VRK2: variants seen among roughly 807,000 people sequenced by gnomAD.
VRK2 encodes the protein VRK serine/threonine kinase 2.
A neutral mutation model predicts 57.6 loss-of-function variants in VRK2; 60 were observed. The observed-to-expected ratio is 1.04, with a 90% CI of 0.85 to 1.29. The LOEUF (loss-of-function observed/expected upper bound fraction) is 1.29, where lower values mean the gene tolerates loss of function less well. Ranked by LOEUF, VRK2 falls within the 50% of genes most tolerant of loss-of-function variation. The pLI, the probability that VRK2 is intolerant of heterozygous loss-of-function variation, is 0.00. For missense variants in VRK2, 705 were observed against 588.1 expected, an observed-to-expected ratio of 1.20 and a Z score of -2.06; for synonymous variants, 231 against 199.2, an observed-to-expected ratio of 1.16 and a Z score of -1.35.
At chr2:58,060,271 A>G (rs889273981) in intron 2 of VRK2, among the ~76,000 whole-genome samples, 2 of 151,912 alleles carry the variant, frequency 1.3e-5, no homozygotes, top group African/African-American at 2.4e-5. Context: ...CAGAATGTCT[A>G]CTCTAGCAGA....
intron 1 of VRK2, among the ~76,000 whole-genome samples, chr2:57,988,001 G>A (rs1476030065): frequency 6.6e-6 from 1 of 152,122 alleles, no homozygotes; most frequent in African/African-American, 2.4e-5. Flanking sequence ...GCCTGGGGTT[G>A]GGAGGAAAGA....
At chr2:58,152,323 T>C (rs1488467522) in intron 12 of VRK2, among the ~76,000 whole-genome samples, 1 of 151,898 alleles carries the variant, frequency 6.6e-6, no homozygotes, top group Non-Finnish European at 1.5e-5. Context: ...TAACTGATCA[T>C]ATTACATTCT....
intron 1 of VRK2, among the ~76,000 whole-genome samples, chr2:57,986,246 T>C (rs193277846): frequency 3.3e-5 from 5 of 152,106 alleles, no homozygotes; most frequent in African/African-American, 4.8e-5. Flanking sequence ...CCTACATAAG[T>C]AGAAAAATAT....
At chr2:58,065,011 G>A (rs766753380) in intron 2 of VRK2, among the ~76,000 whole-genome samples, 32 of 151,948 alleles carry the variant, frequency 2.1e-4, no homozygotes, top group Admixed American at 5.9e-4. Flanking sequence ...ACCTTCCCTT[G>A]AAGCCTACTG....
At position 58,146,330 on chromosome 2, in the gene VRK2, G is replaced by C; in HGVS notation, c.1038G>C (p.Lys346Asn). 5.0e-6 allele frequency: 8 copies of C among 1,609,448 alleles called. No homozygotes were observed. The highest frequency in any genetic ancestry group is 6.8e-6 in the Non-Finnish European group (8 of 1,177,292). ...TPNSQKVDSQ[K>N]AATKQVNKAH... is the part of the protein sequence containing the mutation. ...TATACCAACAGGTTGATTCACAAAA[G>C]GCTGCAACAAAGCAAGTCAACAAGG... is the stretch of plus-strand genomic sequence containing the variant. Residue 346 changes from lysine (K) to asparagine (N), a missense_variant, in exon 12 of 13, where the codon AAG becomes AAC. Coordinates refer to ENST00000340157, the MANE Select transcript of VRK2 (RefSeq NM_006296.7).
intron 2 of VRK2, among the ~76,000 whole-genome samples, chr2:58,082,977 AAG>A (rs1388840432): frequency 2.0e-5 from 3 of 151,762 alleles, no homozygotes; most frequent in Admixed American, 6.6e-5. Flanking sequence ...TAATGGAAAA[AAG>A]AGAACAGCTG....
At chr2:58,145,903 C>T (rs902313984) in intron 11 of VRK2, among the ~76,000 whole-genome samples, 1 of 151,922 alleles carries the variant, frequency 6.6e-6, no homozygotes, top group Admixed American at 6.6e-5. Flanking sequence ...ATAGTTTGCT[C>T]AGAATGATGG....
At chr2:58,124,347 C>G (rs1025057405) in intron 8 of VRK2, among the ~76,000 whole-genome samples, 3 of 152,158 alleles carry the variant, frequency 2.0e-5, no homozygotes, top group African/African-American at 7.2e-5. Flanking sequence ...ACTGTACTTT[C>G]TTAGTTGCTC....
chr2:58,103,055 A>G (rs181677394), intron 7 of VRK2, among the ~76,000 whole-genome samples: 33 of 151,744 alleles, frequency 2.2e-4, no homozygotes, highest in Non-Finnish European at 3.8e-4. Context: ...GAGACACAAC[A>G]TACCAAAGCC....
chr2:57,947,578 G>C (rs1309925016), intron 1 of VRK2, among the ~76,000 whole-genome samples: 1 of 152,044 alleles, frequency 6.6e-6, no homozygotes, highest in African/African-American at 2.4e-5. Flanking sequence ...CCACCCAGAG[G>C]GTACTGTAAA....
At chr2:57,950,228 G>GA (rs1478129006) in intron 1 of VRK2, among the ~76,000 whole-genome samples, 1 of 152,172 alleles carries the variant, frequency 6.6e-6, no homozygotes, top group Non-Finnish European at 1.5e-5. Flanking sequence ...GCCTTCTATT[G>GA]AAAAACGATG....
chr2:57,915,741 T>C (rs768614466), intron 1 of VRK2, among the ~76,000 whole-genome samples: 2 of 152,228 alleles, frequency 1.3e-5, no homozygotes, highest in Non-Finnish European at 2.9e-5. Context: ...CCCAACCCGC[T>C]GGGCTGCAGA....
intron 2 of VRK2, among the ~76,000 whole-genome samples, chr2:58,068,811 GAAAA>G (rs60586801): frequency 6.2e-5 from 8 of 129,714 alleles, no homozygotes; most frequent in South Asian, 2.6e-4. Flanking sequence ...ACCCCCTCAG[GAAAA>G]AAAAAAAAAA....
intron 12 of VRK2, among the ~76,000 whole-genome samples, chr2:58,158,587 T>TA (rs1427661466): frequency 3.3e-5 from 5 of 152,090 alleles, no homozygotes. Flanking sequence ...TCTTCTAAGT[T>TA]AGTTACTTGA....
chr2:58,063,235 AGTTTT>A (rs1184122832), intron 2 of VRK2, among the ~76,000 whole-genome samples: 58 of 145,266 alleles, frequency 4.0e-4, no homozygotes, highest in Admixed American at 2.9e-3. Flanking sequence ...CATATGTCAC[AGTTTT>A]GTTTTTTTTT....
At chr2:58,090,532 C>T (rs1332710867) in intron 7 of VRK2, among the ~76,000 whole-genome samples, 2 of 152,004 alleles carry the variant, frequency 1.3e-5, no homozygotes, top group Non-Finnish European at 2.9e-5. Context: ...AAAACGTGGT[C>T]AGTACAGTAC....
intron 7 of VRK2, among the ~76,000 whole-genome samples, chr2:58,107,665 G>A (rs958139043): frequency 6.6e-6 from 1 of 152,100 alleles, no homozygotes; most frequent in East Asian, 1.9e-4. Context: ...CTTCATAAGA[G>A]ACCTCATTTT....
intron 2 of VRK2, among the ~76,000 whole-genome samples, chr2:58,029,897 TG>T (rs1258165928): frequency 6.6e-6 from 1 of 152,190 alleles, no homozygotes; most frequent in Non-Finnish European, 1.5e-5. Context: ...CTAGAGTTAT[TG>T]GCATGCCATA....
rs141291950 is a variant in VRK2, at chr2:57,938,883, T to C, written c.-439+31044T>C. ...ACTTCAAAAAAAGAACTTGCTTTCC[T>C]CTTCTTTTGGAAAATGCTCCATGGT... On this transcript the variant is annotated intron_variant, in intron 1 of 15. Coordinates refer to the VRK2 transcript ENST00000417641. Among the ~76,000 whole-genome samples the C allele has an allele frequency of 6.9e-3, 1,058 of 152,314 alleles. 14 individuals are homozygous for C. The highest frequency in any genetic ancestry group is 0.02 in the Middle Eastern group (6 of 294).
Sources: allele counts gnomAD v4.1 joint callset (sites outside exome capture counted in the v4.1 genomes callset), GRCh38; gene constraint gnomAD v4.1.1; transcripts MANE v1.5; gene names NCBI Gene and HGNC (gene_info 2026-07-23, HGNC 2026-07-21).